The following DMD variants were observed in gnomAD, a reference collection of about 807,000 sequenced individuals.
DMD encodes the protein mutant dystrophin.
DMD carries 63 observed loss-of-function variants against 330.1 expected under a neutral mutation model. That is an observed-to-expected ratio of 0.19 (90% CI 0.16 to 0.24). The LOEUF (loss-of-function observed/expected upper bound fraction) is 0.24. DMD is among the 10% of genes least tolerant of loss of function. The pLI, the probability that DMD is intolerant of heterozygous loss-of-function variation, is 1.00. For synonymous variants in DMD, 1,223 were observed against 959.8 expected, an observed-to-expected ratio of 1.27 and a Z score of -5.07; for missense variants, 3,344 against 2,684.1, an observed-to-expected ratio of 1.25 and a Z score of -5.43.
At chrX:33,148,059 G>A (rs904597368) in intron 1 of DMD, among the ~76,000 whole-genome samples, 1 of 111,699 alleles carries the variant, frequency 9.0e-6, no homozygotes, top group Admixed American at 9.6e-5. Context: ...ATCCTTTATA[G>A]ATATTCAGAT....
At chrX:32,827,557 T>C (rs1200265222) in intron 4 of DMD, among the ~76,000 whole-genome samples, 2 of 111,188 alleles carry the variant, frequency 1.8e-5, no homozygotes, top group Non-Finnish European at 3.8e-5. Context: ...GCCTGATAGG[T>C]AGTTTTTCTG....
chrX:33,319,135 C>T (rs1266570372), intron 1 of DMD, among the ~76,000 whole-genome samples: 1 of 110,527 alleles, frequency 9.0e-6, no homozygotes, highest in African/African-American at 3.3e-5. Flanking sequence ...TCATCAGGCA[C>T]AGAGTGTGCC....
chrX:32,336,042 GTGTATATATAACGT>G (rs2097712452), intron 41 of DMD, among the ~76,000 whole-genome samples: 4 of 101,201 alleles, frequency 4.0e-5, no homozygotes, highest in Non-Finnish European at 5.9e-5. Context: ...TATATATAAC[GTGTATATATAACGT>G]TATATATAAC....
intron 63 of DMD, among the ~76,000 whole-genome samples, chrX:31,258,365 G>A (rs1214905324): frequency 8.9e-6 from 1 of 112,491 alleles, no homozygotes; most frequent in African/African-American, 3.2e-5. Context: ...CAATAAATGG[G>A]AGATGTTATC....
At chrX:31,411,457 C>T (rs964091391) in intron 60 of DMD, among the ~76,000 whole-genome samples, 111 of 111,725 alleles carry the variant, frequency 9.9e-4, no homozygotes, top group African/African-American at 3.4e-3. Flanking sequence ...AAAAGACATG[C>T]GATTACTACG....
chrX:33,009,901 T>C (rs1319342401), intron 2 of DMD, among the ~76,000 whole-genome samples: 3 of 66,905 alleles, frequency 4.5e-5, no homozygotes, highest in Non-Finnish European at 8.9e-5. Flanking sequence ...TGTGTATATG[T>C]GTGTATATGT....
At chrX:31,791,667 G>A (rs1181890518) in intron 50 of DMD, among the ~76,000 whole-genome samples, 3 of 111,825 alleles carry the variant, frequency 2.7e-5, no homozygotes, top group East Asian at 2.8e-4. Flanking sequence ...TACCCAATAT[G>A]CTTTCACTCT....
At chrX:31,844,743 T>G in intron 48 of DMD, among the ~76,000 whole-genome samples, 1 of 111,771 alleles carries the variant, frequency 8.9e-6, no homozygotes, top group East Asian at 2.8e-4. Context: ...ATCTTTCACT[T>G]CTTTGGTTAG....
intron 59 of DMD, among the ~76,000 whole-genome samples, chrX:31,463,147 CG>C (rs1198281812): frequency 1.8e-5 from 2 of 111,613 alleles, no homozygotes; most frequent in Non-Finnish European, 3.8e-5. Context: ...TAAGTGGAAG[CG>C]GGAGATGTCA....
At chrX:33,183,846 A>C (rs2050118376) in intron 1 of DMD, among the ~76,000 whole-genome samples, 1 of 111,646 alleles carries the variant, frequency 9.0e-6, no homozygotes, top group Non-Finnish European at 1.9e-5. Flanking sequence ...TTCTATAAAG[A>C]AAGCAGTGTG....
intron 55 of DMD, among the ~76,000 whole-genome samples, chrX:31,542,872 A>AT (rs1306869539): frequency 2.7e-5 from 3 of 112,978 alleles, no homozygotes; most frequent in African/African-American, 9.6e-5. Flanking sequence ...AGGGCAGGGC[A>AT]TGAATAAGGT....
At chrX:32,551,107 G>A (rs772652377) in intron 16 of DMD, among the ~76,000 whole-genome samples, 6 of 111,139 alleles carry the variant, frequency 5.4e-5, no homozygotes, top group Admixed American at 9.6e-5. Context: ...AAAAATTGAG[G>A]AGCGGCTCCT....
chrX:31,898,396 G>T (rs1260788437), intron 47 of DMD, among the ~76,000 whole-genome samples: 1 of 110,256 alleles, frequency 9.1e-6, no homozygotes, highest in Non-Finnish European at 1.9e-5. Context: ...AACCAAAACA[G>T]CATGGTACTG....
chrX:31,960,593 T>C (rs2095293895), intron 45 of DMD, among the ~76,000 whole-genome samples: 2 of 111,143 alleles, frequency 1.8e-5, no homozygotes, highest in Non-Finnish European at 3.8e-5. Flanking sequence ...TAACAAACTC[T>C]CCCTAACTCC....
chrX:32,270,071 T>C (rs1272155416), intron 43 of DMD, among the ~76,000 whole-genome samples: 1 of 112,356 alleles, frequency 8.9e-6, no homozygotes, highest in Non-Finnish European at 1.9e-5. Flanking sequence ...GATGGTCTTC[T>C]TCAAGGGTAT....
Position 32,918,624 on chromosome X carries a change from T to C in DMD, c.94-68804A>G, listed in dbSNP as rs777606717. Among the ~76,000 whole-genome samples, 125 of 112,344 alleles carry C rather than the reference T, an allele frequency of 1.1e-3. 1 individual carries two copies. In the Middle Eastern group the frequency reaches 0.018, roughly 16 times the overall value. On this transcript the variant is annotated intron_variant, in intron 2 of 78. Transcript: ENST00000357033. ...CCTTGGCCTCCCAAAGTGCTGGCAT[T>C]ACAGGCATGAGCCACTGCACCCGGT... is the stretch of plus-strand genomic sequence containing the variant.
At chrX:33,068,841 T>G (rs540059196) in intron 1 of DMD, among the ~76,000 whole-genome samples, 1 of 112,344 alleles carries the variant, frequency 8.9e-6, no homozygotes. Flanking sequence ...CATTACAGCT[T>G]TGTGAAACAA....
rs765847169 is a variant in DMD at position 31,955,999 on chromosome X, G to A, written c.6614+12340C>T. Among the ~76,000 whole-genome samples, 8 of 112,400 alleles carry A rather than the reference G, an allele frequency of 7.1e-5. No individual in the cohort carries two copies. The South Asian group carries it at 3.0e-3, about 42-fold the overall frequency. On this transcript the variant is annotated intron_variant, in intron 45 of 78. Coordinates refer to ENST00000357033, the MANE Select transcript of DMD (RefSeq NM_004006.3). Reference sequence around the variant, plus strand: ...GCCCATTGCAGTTTGGCATTGTCATGAGAATAAATTCTGGCCAATGACATA... The same window carrying A: ...GCCCATTGCAGTTTGGCATTGTCATAAGAATAAATTCTGGCCAATGACATA...
chrX:33,088,616 C>T, intron 1 of DMD, among the ~76,000 whole-genome samples: 1 of 110,804 alleles, frequency 9.0e-6, no homozygotes. Context: ...ACCCGGGAGG[C>T]GGAGCTTGCA....
Sources: gnomAD v4.1 joint callset for allele counts (sites outside exome capture counted in the v4.1 genomes callset) on GRCh38, gnomAD v4.1.1 for gene constraint, MANE v1.5 for transcripts, NCBI Gene and HGNC (gene_info 2026-07-23, HGNC 2026-07-21) for gene names.